The following SORCS3 variants were observed in gnomAD, a reference collection of about 807,000 sequenced individuals.
SORCS3 encodes VPS10 domain-containing receptor SorCS3.
In SORCS3, 57 loss-of-function variants were observed where a neutral mutation model predicts 146.3. That is an observed-to-expected ratio of 0.39 (90% CI 0.31 to 0.49). The LOEUF is 0.49. SORCS3 is among the 20% of genes least tolerant of loss of function. SORCS3 has a pLI of 0.92. For missense variants in SORCS3, 1,341 were observed against 1,575.5 expected (o/e 0.85, Z 2.52); for synonymous variants, 653 against 618.5 (o/e 1.06, Z -0.83).
intron 5 of SORCS3, among the ~76,000 whole-genome samples, chr10:105,050,629 G>T (rs961414868): frequency 1.3e-5 from 2 of 152,078 alleles, no homozygotes; most frequent in African/African-American, 4.8e-5. Context: ...ACCTCCTCAG[G>T]CAGAGGCACC....
At chr10:105,001,827 C>T (rs1156653045) in intron 4 of SORCS3, among the ~76,000 whole-genome samples, 1 of 152,138 alleles carries the variant, frequency 6.6e-6, no homozygotes, top group African/African-American at 2.4e-5. Flanking sequence ...GTCTTTCAAT[C>T]CTTTGGAAAA....
intron 2 of SORCS3, among the ~76,000 whole-genome samples, chr10:104,914,642 A>T (rs886926938): frequency 6.6e-6 from 1 of 152,228 alleles, no homozygotes; most frequent in African/African-American, 2.4e-5. Context: ...TGTCTCTTAA[A>T]AAAAAGACAA....
intron 9 of SORCS3, among the ~76,000 whole-genome samples, chr10:105,152,118 T>C (rs1015449653): frequency 2.0e-5 from 3 of 152,222 alleles, no homozygotes; most frequent in Non-Finnish European, 4.4e-5. Flanking sequence ...CCCGCAGTTA[T>C]ACTATGGCAG....
At chr10:105,207,296 A>ATTC (rs1452827396) in intron 16 of SORCS3, among the ~76,000 whole-genome samples, 1 of 150,140 alleles carries the variant, frequency 6.7e-6, no homozygotes, top group Non-Finnish European at 1.5e-5. Context: ...TATTATTATT[A>ATTC]TTATTATTTC....
intron 2 of SORCS3, among the ~76,000 whole-genome samples, chr10:104,914,634 T>C (rs929281600): frequency 6.6e-6 from 1 of 152,052 alleles, no homozygotes; most frequent in Admixed American, 6.6e-5. Flanking sequence ...TGAGCACCTG[T>C]CTCTTAAAAA....
intron 1 of SORCS3, among the ~76,000 whole-genome samples, chr10:104,647,814 TCTACA>T (rs2015512654): frequency 1.3e-5 from 2 of 152,376 alleles, no homozygotes; most frequent in South Asian, 4.1e-4. Flanking sequence ...CAGAGGGGTC[TCTACA>T]CTACTTAGTA....
chr10:105,135,920 T>C (rs1264535428), intron 7 of SORCS3, among the ~76,000 whole-genome samples: 1 of 152,218 alleles, frequency 6.6e-6, no homozygotes, highest in Non-Finnish European at 1.5e-5. Context: ...ACTTAAGTTC[T>C]TTCTACAGCT....
chr10:104,860,060 C>A (rs1156477079), intron 2 of SORCS3, among the ~76,000 whole-genome samples: 28 of 113,498 alleles, frequency 2.5e-4, no homozygotes, highest in African/African-American at 8.8e-4. Flanking sequence ...CCAGCCATCC[C>A]ATTACTGGGT....
intron 5 of SORCS3, among the ~76,000 whole-genome samples, chr10:105,056,955 A>G (rs772805644): frequency 6.6e-6 from 1 of 152,296 alleles, no homozygotes; most frequent in South Asian, 2.1e-4. Context: ...CTTACACCTA[A>G]CATTAACAGT....
At chr10:104,896,532 A>G (rs538366016) in intron 2 of SORCS3, among the ~76,000 whole-genome samples, 1 of 152,322 alleles carries the variant, frequency 6.6e-6, no homozygotes, top group African/African-American at 2.4e-5. Flanking sequence ...TGGTGCTGCA[A>G]GGTCAGTGAG....
intron 3 of SORCS3, among the ~76,000 whole-genome samples, chr10:104,923,830 A>G (rs987750425): frequency 1.3e-5 from 2 of 152,212 alleles, no homozygotes; most frequent in South Asian, 2.1e-4. Flanking sequence ...TGTTAGTGCT[A>G]GTATCTGTTT....
chr10:104,976,024 C>G (rs567604833), intron 3 of SORCS3, among the ~76,000 whole-genome samples: 7 of 150,588 alleles, frequency 4.6e-5, no homozygotes, highest in Admixed American at 3.3e-4. Flanking sequence ...GTCTAAAACA[C>G]CAAAAGCAAT....
intron 8 of SORCS3, among the ~76,000 whole-genome samples, chr10:105,146,008 A>G (rs971437993): frequency 6.6e-6 from 1 of 152,114 alleles, no homozygotes; most frequent in Non-Finnish European, 1.5e-5. Flanking sequence ...TTGGTCAAAC[A>G]CAGTAAAGGC....
At chr10:104,714,030 T>C (rs2133440578) in intron 1 of SORCS3, among the ~76,000 whole-genome samples, 1 of 152,312 alleles carries the variant, frequency 6.6e-6, no homozygotes, top group Non-Finnish European at 1.5e-5. Flanking sequence ...AGTATCAAAT[T>C]TGTAAGCATA....
At chr10:104,680,062 C>T (rs578123816) in intron 1 of SORCS3, among the ~76,000 whole-genome samples, 19 of 152,332 alleles carry the variant, frequency 1.2e-4, no homozygotes, top group African/African-American at 4.1e-4. Flanking sequence ...ACCTCTAAAA[C>T]ATCTGGACCG....
chr10:104,956,662 T>C (rs962996257), intron 3 of SORCS3, among the ~76,000 whole-genome samples: 4 of 151,994 alleles, frequency 2.6e-5, no homozygotes, highest in African/African-American at 9.7e-5. Flanking sequence ...AGTTAATAGA[T>C]GATGGAGGTG....
chr10:104,649,502 A>G (rs558226115), intron 1 of SORCS3, among the ~76,000 whole-genome samples: 1 of 152,226 alleles, frequency 6.6e-6, no homozygotes, highest in Admixed American at 6.5e-5. Flanking sequence ...TCAGATGGAA[A>G]TGTTGAAGCA....
intron 1 of SORCS3, among the ~76,000 whole-genome samples, chr10:104,818,005 A>G (rs1346557179): frequency 6.6e-6 from 1 of 151,998 alleles, no homozygotes; most frequent in Non-Finnish European, 1.5e-5. Context: ...CATGTCACCA[A>G]TTGAACACTT....
At chr10:104,706,167 G>A (rs1395354561) in intron 1 of SORCS3, among the ~76,000 whole-genome samples, 1 of 146,544 alleles carries the variant, frequency 6.8e-6, no homozygotes, top group Non-Finnish European at 1.5e-5. Flanking sequence ...TTGGAGACTA[G>A]AGTTTCTTTT....
Sources: allele counts gnomAD v4.1 joint callset (sites outside exome capture counted in the v4.1 genomes callset), GRCh38; gene constraint gnomAD v4.1.1; transcripts MANE v1.5; gene names NCBI Gene and HGNC (gene_info 2026-07-23, HGNC 2026-07-21).